The following PDE4D variants were observed in gnomAD, a reference collection of about 807,000 sequenced individuals.
PDE4D encodes the protein 3',5'-cyclic-AMP phosphodiesterase 4D.
PDE4D carries 24 observed loss-of-function variants against 87.4 expected under a neutral mutation model. That is an observed-to-expected ratio of 0.27 (90% CI 0.20 to 0.39). The LOEUF (loss-of-function observed/expected upper bound fraction) is 0.39. PDE4D is among the 10% of genes least tolerant of loss of function. PDE4D has a pLI of 1.00. For missense variants in PDE4D, 714 were observed against 1,041.0 expected, an observed-to-expected ratio of 0.69 and a Z score of 4.32; for synonymous variants, 384 against 383.2, an observed-to-expected ratio of 1.00 and a Z score of -0.02.
chr5:59,045,075 A>C (rs929502242), intron 5 of PDE4D, among the ~76,000 whole-genome samples: 1 of 152,200 alleles, frequency 6.6e-6, no homozygotes, highest in African/African-American at 2.4e-5. Context: ...TTCAGCAAAC[A>C]ACTGTAGAGT....
chr5:60,099,575 GA>G (rs1776023902), intron 2 of PDE4D, among the ~76,000 whole-genome samples: 1 of 151,784 alleles, frequency 6.6e-6, no homozygotes, highest in African/African-American at 2.4e-5. Flanking sequence ...AATGCCCAGT[GA>G]AAAATTAGCA....
chr5:59,177,854 C>A (rs1784144682), intron 5 of PDE4D, among the ~76,000 whole-genome samples: 1 of 152,168 alleles, frequency 6.6e-6, no homozygotes, highest in Non-Finnish European at 1.5e-5. Flanking sequence ...AGAGAAGCCA[C>A]ATGGAAGCTG....
intron 1 of PDE4D, among the ~76,000 whole-genome samples, chr5:59,778,923 G>C (rs1351225726): frequency 6.6e-6 from 1 of 152,154 alleles, no homozygotes; most frequent in East Asian, 1.9e-4. Flanking sequence ...CCAGCACTTT[G>C]GGAGGCCAAG....
intron 1 of PDE4D, among the ~76,000 whole-genome samples, chr5:60,344,273 G>T (rs1758554533): frequency 6.6e-6 from 1 of 152,086 alleles, no homozygotes; most frequent in South Asian, 2.1e-4. Flanking sequence ...AAGGGGTTTT[G>T]TATGGACTGT....
At chr5:59,865,761 T>C (rs897300198) in intron 1 of PDE4D, among the ~76,000 whole-genome samples, 1 of 152,230 alleles carries the variant, frequency 6.6e-6, no homozygotes, top group African/African-American at 2.4e-5. Context: ...TGCTGACTTA[T>C]ATATTTGATT....
rs543463813 is a variant in PDE4D at position 59,180,587 on chromosome 5, T to C, written c.808+8A>G. 1.9e-6 allele frequency: 3 copies of C among 1,612,244 alleles called. No individual in the cohort carries two copies. In the East Asian group the frequency reaches 6.7e-5, roughly 36 times the overall value. On this transcript the variant is annotated splice_region_variant and intron_variant, in intron 5 of 14. Transcript: ENST00000340635. ...ACACATGAAGAATAAGCTCCAGATC[T>C]TTCTTACCTGTTATGGTGGCTTTGT...
At chr5:59,668,809 A>AGAG (rs1491303982) in intron 1 of PDE4D, among the ~76,000 whole-genome samples, 1 of 87,818 alleles carries the variant, frequency 1.1e-5, no homozygotes, top group South Asian at 4.1e-4. Context: ...AGAAGAAAGA[A>AGAG]GAAGAAGAAG....
chr5:59,281,642 A>G (rs904030797), intron 1 of PDE4D, among the ~76,000 whole-genome samples: 15 of 152,126 alleles, frequency 9.9e-5, no homozygotes, highest in African/African-American at 3.6e-4. Context: ...TTGCACAACG[A>G]TTATCTCCAT....
At chr5:60,473,851 CT>C (rs1748052650) in intron 1 of PDE4D, among the ~76,000 whole-genome samples, 1 of 151,680 alleles carries the variant, frequency 6.6e-6, no homozygotes. Context: ...ACCATGCCCC[CT>C]GACCCCACCC....
intron 6 of PDE4D, among the ~76,000 whole-genome samples, chr5:59,024,180 C>T: frequency 6.7e-6 from 1 of 149,602 alleles, no homozygotes; most frequent in African/African-American, 2.5e-5. Flanking sequence ...GTGTGAGCCA[C>T]CATGCCCAGC....
At chr5:58,979,182 C>CAAAG (rs1422545870) in intron 11 of PDE4D, among the ~76,000 whole-genome samples, 1 of 152,144 alleles carries the variant, frequency 6.6e-6, no homozygotes, top group African/African-American at 2.4e-5. Context: ...GAAGGTGCAA[C>CAAAG]AAAGAGTCTG....
At chr5:60,138,493 G>A (rs1265390074) in intron 2 of PDE4D, among the ~76,000 whole-genome samples, 1 of 151,706 alleles carries the variant, frequency 6.6e-6, no homozygotes, top group Non-Finnish European at 1.5e-5. Context: ...TTATTTCCAT[G>A]GTTTTTATTT....
chr5:59,395,096 G>A (rs952118474), intron 1 of PDE4D, among the ~76,000 whole-genome samples: 6 of 152,000 alleles, frequency 3.9e-5, no homozygotes, highest in Non-Finnish European at 5.9e-5. Context: ...ACGGAGTCTC[G>A]CTGATTGCTA....
At chr5:60,089,835 A>G (rs529565364) in intron 2 of PDE4D, among the ~76,000 whole-genome samples, 1 of 151,872 alleles carries the variant, frequency 6.6e-6, no homozygotes, top group East Asian at 1.9e-4. Context: ...AAAAGAATAT[A>G]TTACAACTGA....
chr5:59,508,955 A>AAGGT (rs1562306046), intron 1 of PDE4D, among the ~76,000 whole-genome samples: 11 of 152,010 alleles, frequency 7.2e-5, no homozygotes, highest in African/African-American at 2.7e-4. Context: ...TGGGGCCAAC[A>AAGGT]TAAGTCTTAC....
intron 3 of PDE4D, among the ~76,000 whole-genome samples, chr5:59,185,876 TACTC>T (rs1234324951): frequency 6.6e-6 from 1 of 152,180 alleles, no homozygotes; most frequent in African/African-American, 2.4e-5. Flanking sequence ...ACACAGAAGA[TACTC>T]AATAAAAATT....
In PDE4D at chr5:59,893,386, G is replaced by GGGC. The variant is rs767864920; in HGVS notation, c.234_236dup (p.Pro80dup). The GGGC allele has an allele frequency of 7.1e-6, 9 of 1,266,500 alleles. No homozygotes were observed. The Admixed American group carries it at 1.9e-4, about 26-fold the overall frequency. The allele number at this position is 1,266,500 out of a possible 1,614,324, so 78.5% of individuals were successfully genotyped here. A position where few individuals can be genotyped will look rare whatever the true frequency, so the allele number is the denominator to read the frequency against. ...GCGGCGGCGGGGGCGGCGGCAGGGG[G>GGGC]GGCGGCGGCGGCGGCTGTAGCGGAC... On this transcript the variant is annotated inframe_insertion, in exon 1 of 15. Coordinates refer to ENST00000340635, the MANE Select transcript of PDE4D (RefSeq NM_001104631.2).
chr5:59,722,592 C>T (rs2150564616), intron 1 of PDE4D, among the ~76,000 whole-genome samples: 1 of 152,072 alleles, frequency 6.6e-6, no homozygotes, highest in East Asian at 1.9e-4. Context: ...GTTTTAGGTG[C>T]TGGTTATTAT....
chr5:59,310,660 G>C (rs918170773), intron 1 of PDE4D, among the ~76,000 whole-genome samples: 1 of 152,136 alleles, frequency 6.6e-6, no homozygotes, highest in Non-Finnish European at 1.5e-5. Flanking sequence ...TTAGGTCTAA[G>C]GGCTGCTGTT....
Sources: gnomAD v4.1 joint callset for allele counts (sites outside exome capture counted in the v4.1 genomes callset) on GRCh38, gnomAD v4.1.1 for gene constraint, MANE v1.5 for transcripts, NCBI Gene and HGNC (gene_info 2026-07-23, HGNC 2026-07-21) for gene names.